DNAH12: variants seen among roughly 807,000 people sequenced by gnomAD.
DNAH12 encodes the protein dynein axonemal heavy chain 12, also known as axonemal beta dynein heavy chain 12.
In DNAH12, 285 loss-of-function variants were observed where a neutral mutation model predicts 371.5. The ratio of observed to expected loss-of-function variants is 0.77; its 90% CI spans 0.70 to 0.85. The LOEUF (loss-of-function observed/expected upper bound fraction) is 0.85. Ranked by LOEUF, DNAH12 falls within the 40% of genes least tolerant of loss-of-function variation. DNAH12 has a pLI of 0.00. For missense variants in DNAH12, 3,611 were observed against 3,689.4 expected, an observed-to-expected ratio of 0.98 and a Z score of 0.55; for synonymous variants, 1,200 against 1,213.0, an observed-to-expected ratio of 0.99 and a Z score of 0.22.
chr3:57,514,369 C>T (rs2068108310), intron 4 of DNAH12, among the ~76,000 whole-genome samples: 2 of 145,734 alleles, frequency 1.4e-5, no homozygotes, highest in East Asian at 2.0e-4. Context: ...ACTCCAGCCT[C>T]GGTGACAGAG....
intron 37 of DNAH12, among the ~76,000 whole-genome samples, 188 bp from the exon 38 acceptor site, chr3:57,415,752 T>C (rs1381353509): frequency 3.9e-5 from 6 of 151,986 alleles, no homozygotes; most frequent in Non-Finnish European, 7.4e-5. Flanking sequence ...TGCACAACAT[T>C]GCAGAGACTT....
At chr3:57,295,657 C>T in intron 72 of DNAH12, 65 bp from the exon 73 acceptor site, 1 of 1,366,578 alleles carries the variant, frequency 7.3e-7, no homozygotes, top group South Asian at 1.5e-5. Flanking sequence ...GAACAGATTG[C>T]TACTTAGATA....
chr3:57,504,409 A>G (rs1022587689), intron 8 of DNAH12, among the ~76,000 whole-genome samples: 1 of 151,994 alleles, frequency 6.6e-6, no homozygotes. Flanking sequence ...ACACACATAT[A>G]TATATACATA....
intron 70 of DNAH12, among the ~76,000 whole-genome samples, chr3:57,299,648 G>A (rs1031099627): frequency 2.6e-5 from 4 of 152,100 alleles, no homozygotes; most frequent in African/African-American, 9.7e-5. Flanking sequence ...TAGGTCATAA[G>A]GGTGGAGCCC....
At chr3:57,420,925 A>G (rs962433804) in intron 36 of DNAH12, among the ~76,000 whole-genome samples, 7 of 151,190 alleles carry the variant, frequency 4.6e-5, no homozygotes, top group Non-Finnish European at 1.0e-4. Flanking sequence ...AAAAAAAAAA[A>G]AAAAAGAAAG....
intron 12 of DNAH12, among the ~76,000 whole-genome samples, chr3:57,489,290 T>TA (rs894478842): frequency 5.3e-5 from 8 of 152,108 alleles, no homozygotes; most frequent in Non-Finnish European, 1.2e-4. Flanking sequence ...ATTTCTTTTT[T>TA]AAAAAAATCC....
Position 57,501,313 on chromosome 3 carries a change from C to T in DNAH12, c.1335+8G>A. 6.3e-7 allele frequency: 1 copy of T among 1,596,116 alleles called. No homozygotes were observed. Among genetic ancestry groups the T allele is most frequent in the Non-Finnish European group, 8.5e-7 (1 of 1,171,948 alleles). ...AAACGCATTAATAAAAACAGAATTACCGCTTACCTCTGTATATTCATCAAA... is the reference window on the plus strand; with the variant it reads ...AAACGCATTAATAAAAACAGAATTATCGCTTACCTCTGTATATTCATCAAA... On this transcript the variant is annotated splice_region_variant and intron_variant, in intron 11 of 73. Transcript: ENST00000495027.
chr3:57,486,464 G>C (rs2066927032), intron 12 of DNAH12, among the ~76,000 whole-genome samples: 1 of 151,868 alleles, frequency 6.6e-6, no homozygotes. Flanking sequence ...TCTATTACTA[G>C]AAATATCAGG....
upstream of DNAH12, chr3:57,549,000 TCA>T (rs1420841460): frequency 6.6e-6 from 1 of 152,138 alleles, no homozygotes; most frequent in African/African-American, 2.4e-5. Flanking sequence ...GAGAGAAGAC[TCA>T]GTTTTCCAAA....
chr3:57,400,656 C>A (rs1254467162), intron 43 of DNAH12, among the ~76,000 whole-genome samples: 1 of 152,206 alleles, frequency 6.6e-6, no homozygotes, highest in Non-Finnish European at 1.5e-5. Context: ...TGGTCCCTTT[C>A]ACTCTCAAAA....
intron 30 of DNAH12, among the ~76,000 whole-genome samples, chr3:57,434,638 G>C (rs1435059377): frequency 1.3e-5 from 2 of 152,132 alleles, no homozygotes; most frequent in Non-Finnish European, 2.9e-5. Flanking sequence ...TTAAAGGCCA[G>C]ATTGTGAGTG....
Position 57,428,738 on chromosome 3 carries a change from A to G in DNAH12, c.5148T>C (p.Asn1716=). ...GTTCACACAGAGGTCCTTTCAGTGA[A>G]TTCAACCAAGAAGACACAAGTGGTT... ...GWEPLVSSWL[N]SLKGPLCEPE... Residue 1716 remains asparagine, a synonymous_variant, in exon 34 of 74, where the codon AAT becomes AAC. Transcript: ENST00000495027. 2 of 1,551,602 alleles carry G rather than the reference A, an allele frequency of 1.3e-6. 1 individual carries two copies. The highest frequency in any genetic ancestry group is 2.4e-5 in the South Asian group (2 of 84,030).
chr3:57,349,470 A>G (rs1248543310), intron 60 of DNAH12, among the ~76,000 whole-genome samples: 1 of 152,214 alleles, frequency 6.6e-6, no homozygotes, highest in Non-Finnish European at 1.5e-5. Flanking sequence ...CCTACTCGGT[A>G]TCCCAGAGGA....
At position 57,296,831 on chromosome 3, in the gene DNAH12, T is replaced by A; in HGVS notation, c.11532+16A>T. 6.4e-7 allele frequency: 1 copy of A among 1,551,042 alleles called. No individual in the cohort carries two copies. The highest frequency in any genetic ancestry group is 8.7e-7 in the Non-Finnish European group (1 of 1,146,764). ...TAATGTAATGATATACTGTTGACTT[T>A]AAGGAGTTACTATACCTCAAATTCA... On this transcript the variant is annotated intron_variant, in intron 71 of 73. Coordinates refer to ENST00000495027, the MANE Select transcript of DNAH12 (RefSeq NM_001366028.2).
At chr3:57,427,470 T>C (rs2064813553) in intron 34 of DNAH12, among the ~76,000 whole-genome samples, 1 of 152,012 alleles carries the variant, frequency 6.6e-6, no homozygotes, top group Non-Finnish European at 1.5e-5. Context: ...GTGGATCAAC[T>C]GAGGTCAGGA....
chr3:57,362,559 C>T (rs2062959627), intron 58 of DNAH12, among the ~76,000 whole-genome samples: 1 of 152,184 alleles, frequency 6.6e-6, no homozygotes, highest in African/African-American at 2.4e-5. Flanking sequence ...GATCGCCATT[C>T]TAACTGGTGT....
At chr3:57,530,018 T>A (rs893340422) in intron 2 of DNAH12, among the ~76,000 whole-genome samples, 6 of 152,292 alleles carry the variant, frequency 3.9e-5, no homozygotes, top group South Asian at 4.1e-4. Context: ...GCATATTTTT[T>A]AATTTCCATC....
intron 25 of DNAH12, among the ~76,000 whole-genome samples, chr3:57,449,478 C>T (rs926362969): frequency 1.3e-5 from 2 of 152,176 alleles, no homozygotes; most frequent in African/African-American, 2.4e-5. Context: ...CTGCAGGTCC[C>T]GAGCCATGCC....
intron 5 of DNAH12, among the ~76,000 whole-genome samples, chr3:57,509,587 C>T (rs776829456): frequency 3.3e-5 from 5 of 151,956 alleles, no homozygotes; most frequent in East Asian, 1.9e-4. Context: ...GGAGGCCGAG[C>T]GCGGTGGCTC....
Sources: gnomAD v4.1 joint callset for allele counts (sites outside exome capture counted in the v4.1 genomes callset) on GRCh38, gnomAD v4.1.1 for gene constraint, MANE v1.5 for transcripts, NCBI Gene and HGNC (gene_info 2026-07-23, HGNC 2026-07-21) for gene names.